RPTOR: variants seen among roughly 807,000 people sequenced by gnomAD.
The protein encoded by RPTOR is regulatory associated protein of MTOR complex 1.
A neutral mutation model predicts 169.9 loss-of-function variants in RPTOR; 21 were observed. The ratio of observed to expected loss-of-function variants is 0.12; its 90% CI spans 0.09 to 0.18. The LOEUF (loss-of-function observed/expected upper bound fraction) is 0.18. Among genes scored for constraint, RPTOR ranks in the 10% least tolerant of loss-of-function variants. The pLI, the probability that RPTOR is intolerant of heterozygous loss-of-function variation, is 1.00. For synonymous variants in RPTOR, 732 were observed against 753.2 expected, an observed-to-expected ratio of 0.97 and a Z score of 0.46; for missense variants, 1,133 against 1,855.9, an observed-to-expected ratio of 0.61 and a Z score of 7.16.
chr17:80,886,293 C>G (rs1441574732), intron 17 of RPTOR, among the ~76,000 whole-genome samples: 7 of 152,202 alleles, frequency 4.6e-5, no homozygotes, highest in Admixed American at 4.6e-4. Context: ...TCGTGTGTAC[C>G]CTTCTAGAAT....
intron 12 of RPTOR, among the ~76,000 whole-genome samples, chr17:80,856,589 C>T (rs2067854628): frequency 6.6e-6 from 1 of 152,184 alleles, no homozygotes; most frequent in Non-Finnish European, 1.5e-5. Flanking sequence ...ACTCCAGGTG[C>T]CTGAGGCCAC....
chr17:80,914,637 G>A (rs553125320), intron 21 of RPTOR, among the ~76,000 whole-genome samples: 5 of 152,232 alleles, frequency 3.3e-5, no homozygotes, highest in Non-Finnish European at 7.3e-5. Flanking sequence ...GCAACCAGCC[G>A]GCTGTGCACA....
chr17:80,647,894 C>G (rs1463308983), intron 3 of RPTOR, among the ~76,000 whole-genome samples: 1 of 152,150 alleles, frequency 6.6e-6, no homozygotes, highest in East Asian at 1.9e-4. Context: ...TCTTACTTAT[C>G]CATGCACAGC....
At chr17:80,687,545 C>G (rs2065957985) in intron 3 of RPTOR, among the ~76,000 whole-genome samples, 1 of 152,238 alleles carries the variant, frequency 6.6e-6, no homozygotes, top group South Asian at 2.1e-4. Flanking sequence ...TCCCCTGCCT[C>G]TGCCCCACAC....
At chr17:80,911,187 G>C (rs1290867832) in intron 21 of RPTOR, among the ~76,000 whole-genome samples, 1 of 152,184 alleles carries the variant, frequency 6.6e-6, no homozygotes. Context: ...AACTTGGAAA[G>C]GTCCAGATTG....
At chr17:80,711,542 G>A (rs1235497487) in intron 4 of RPTOR, among the ~76,000 whole-genome samples, 1 of 152,056 alleles carries the variant, frequency 6.6e-6, no homozygotes, top group Non-Finnish European at 1.5e-5. Context: ...TGCAAAATGT[G>A]CACTAAATTA....
chr17:80,665,948 A>G (rs947051516), intron 3 of RPTOR, among the ~76,000 whole-genome samples: 2 of 152,178 alleles, frequency 1.3e-5, no homozygotes, highest in Non-Finnish European at 2.9e-5. Flanking sequence ...CCTGGAGGCC[A>G]CTGAGTATCT....
chr17:80,652,204 C>G (rs913917676), intron 3 of RPTOR, among the ~76,000 whole-genome samples: 1 of 151,960 alleles, frequency 6.6e-6, no homozygotes, highest in Admixed American at 6.6e-5. Flanking sequence ...ACTCAATTGG[C>G]TTTTAACATC....
At chr17:80,728,940 A>G (rs1241298828) in intron 4 of RPTOR, among the ~76,000 whole-genome samples, 2 of 152,134 alleles carry the variant, frequency 1.3e-5, no homozygotes, top group Non-Finnish European at 1.5e-5. Context: ...CAGTCCACCA[A>G]ACGCGGACAG....
intron 3 of RPTOR, among the ~76,000 whole-genome samples, chr17:80,661,429 G>A (rs143963219): frequency 6.8e-4 from 104 of 152,240 alleles, no homozygotes; most frequent in African/African-American, 2.2e-3. Context: ...GGAGCCCCAG[G>A]ACTCACTCTC....
chr17:80,700,565 A>G (rs1598235707), intron 3 of RPTOR, among the ~76,000 whole-genome samples: 3 of 119,026 alleles, frequency 2.5e-5, no homozygotes, highest in Middle Eastern at 5.3e-3. Context: ...GATGGTAGAG[A>G]TGATGGTGAT....
Position 80,822,252 on chromosome 17 carries a change from G to A in RPTOR, c.942G>A (p.Trp314Ter), listed in dbSNP as rs2067387351. 1 of 1,614,094 alleles carries A rather than the reference G, an allele frequency of 6.2e-7. No individual in the cohort carries two copies. The highest frequency in any genetic ancestry group is 8.5e-7 in the Non-Finnish European group (1 of 1,180,044). ...DRRTPLGELN[W>*]IFTAITDTIA... ...GGACGCCCCTGGGTGAACTGAACTGGATCTTCACAGCCATCACAGACACCA... is the reference window on the plus strand; with the variant it reads ...GGACGCCCCTGGGTGAACTGAACTGAATCTTCACAGCCATCACAGACACCA... The change falls in exon 8 of 34, where the codon TGG becomes TGA. Residue 314 changes from tryptophan to a stop codon, truncating the protein, a stop_gained. Coordinates refer to ENST00000306801, the MANE Select transcript of RPTOR (RefSeq NM_020761.3). LOFTEE classifies it high-confidence loss of function.
At chr17:80,918,472 AGTCATAGCCACGAGCACCCTCGCGGGG>A (rs1567986125) in intron 21 of RPTOR, among the ~76,000 whole-genome samples, 1 of 18,834 alleles carries the variant, frequency 5.3e-5, no homozygotes, top group African/African-American at 1.9e-4. Context: ...CCCTCGCCGG[AGTCATAGCCACGAGCACCCTCGCGGGG>A]GTCATAGCCA....
chr17:80,566,310 C>T (rs188439478), intron 1 of RPTOR, among the ~76,000 whole-genome samples: 39 of 152,262 alleles, frequency 2.6e-4, no homozygotes, highest in African/African-American at 9.1e-4. Flanking sequence ...AGAGATAGCG[C>T]GGTAACTCTG....
Position 80,615,435 on chromosome 17 carries a change from A to C in RPTOR, c.163-10256A>C, listed in dbSNP as rs118036289. 8.0e-3 allele frequency among the ~76,000 whole-genome samples: 1,221 copies of C among 152,290 alleles called. 8 individuals are homozygous for C. Among genetic ancestry groups the C allele is most frequent in the Middle Eastern group, 0.014 (4 of 294 alleles). On this transcript the variant is annotated intron_variant, in intron 1 of 33. Transcript: ENST00000306801. ...GACACAGTCTTTTTTTCCCCACCTT[A>C]GTAAGCTATGAACCGTAGCATAAGA...
chr17:80,859,907 C>T lies in RPTOR; in HGVS notation c.1509+2007C>T, dbSNP rs528866523. ...GAGCAGGGGCCACATAGCTGCCATGCGAGGGGCCGGCACCCCACTGGGCCC... is the reference window on the plus strand; with the variant it reads ...GAGCAGGGGCCACATAGCTGCCATGTGAGGGGCCGGCACCCCACTGGGCCC... On this transcript the variant is annotated intron_variant, in intron 13 of 33. Coordinates refer to ENST00000306801, the MANE Select transcript of RPTOR (RefSeq NM_020761.3). Among the ~76,000 whole-genome samples the T allele has an allele frequency of 4.6e-5, 7 of 152,200 alleles. No homozygotes were observed. In the East Asian group the frequency reaches 5.8e-4, roughly 13 times the overall value.
chr17:80,663,543 C>T (rs1393901251), intron 3 of RPTOR, among the ~76,000 whole-genome samples: 2 of 152,170 alleles, frequency 1.3e-5, no homozygotes, highest in Non-Finnish European at 2.9e-5. Flanking sequence ...GAGATATTGA[C>T]ATTATTTCCC....
At position 80,961,120 on chromosome 17, in the gene RPTOR, TC is replaced by T. The variant is rs754534630; in HGVS notation, c.3606-272del. 23 of 452,956 alleles carry T rather than the reference TC, an allele frequency of 5.1e-5. 1 individual carries two copies. In the East Asian group the frequency reaches 6.7e-4, roughly 13 times the overall value. 28.1% of individuals were successfully genotyped at this position (452,956 alleles called of 1,614,324 possible). A position where few individuals can be genotyped will look rare whatever the true frequency, so the allele number is the denominator to read the frequency against. On this transcript the variant is annotated intron_variant, in intron 30 of 33. Coordinates refer to ENST00000306801, the MANE Select transcript of RPTOR (RefSeq NM_020761.3). ...GCCTGGCCCCCGTCTCTGGGCAGCT[TC>T]CATGTGGCTCAGACAGTCCTCCAGC...
chr17:80,930,335 A>AGCTCATCCTCT lies in RPTOR; in HGVS notation c.2919+4865_2919+4866insTGCTCATCCTC, dbSNP rs1567993605. 3.4e-3 allele frequency among the ~76,000 whole-genome samples: 453 copies of AGCTCATCCTCT among 133,552 alleles called. 2 individuals are homozygous for AGCTCATCCTCT. Among genetic ancestry groups the AGCTCATCCTCT allele is most frequent in the Middle Eastern group, 5.7e-3 (1 of 174 alleles). The allele number at this position is 133,552 out of a possible 152,430, so 87.6% of individuals were successfully genotyped here. ...CCCCAGCTCAGCTCAGCTCATCCTCAGCTCATCCTCAGCTCATCCCCAGCT... is the reference window on the plus strand; with the variant it reads ...CCCCAGCTCAGCTCAGCTCATCCTCAGCTCATCCTCTGCTCATCCTCAGCTCATCCCCAGCT... On this transcript the variant is annotated intron_variant, in intron 24 of 33. Coordinates refer to ENST00000306801, the MANE Select transcript of RPTOR (RefSeq NM_020761.3).
Sources: allele counts gnomAD v4.1 joint callset (sites outside exome capture counted in the v4.1 genomes callset), GRCh38; gene constraint gnomAD v4.1.1; transcripts MANE v1.5; gene names NCBI Gene and HGNC (gene_info 2026-07-23, HGNC 2026-07-21).